The following CD276 variants were observed in gnomAD, a reference collection of about 807,000 sequenced individuals.
CD276 encodes CD276 antigen.
In CD276, 34 loss-of-function variants were observed where a neutral mutation model predicts 50.0. The observed-to-expected ratio is 0.68, with a 90% CI of 0.52 to 0.91. The LOEUF is 0.91. Ranked by LOEUF, CD276 falls within the 40% of genes least tolerant of loss-of-function variation. CD276 has a pLI of 0.00. For missense variants in CD276, 634 were observed against 717.5 expected, an observed-to-expected ratio of 0.88 and a Z score of 1.33; for synonymous variants, 275 against 313.0, an observed-to-expected ratio of 0.88 and a Z score of 1.28.
chr15:73,688,712 C>T (rs769847916), intron 1 of CD276, among the ~76,000 whole-genome samples: 6 of 152,274 alleles, frequency 3.9e-5, no homozygotes, highest in Middle Eastern at 3.4e-3. Flanking sequence ...TGGAGCTAGG[C>T]GCTGGACCAG....
rs747338278 is a variant in CD276 at position 73,702,453 on chromosome 15, C to T, written c.278C>T (p.Thr93Met). ...QDQGSAYANRTALFPDLLAQG... is the reference protein window; with the variant it reads ...QDQGSAYANRMALFPDLLAQG... Reference sequence around the variant, plus strand: ...CAGGGCAGCGCCTATGCCAACCGCACGGCCCTCTTCCCGGACCTGCTGGCA... The same window carrying T: ...CAGGGCAGCGCCTATGCCAACCGCATGGCCCTCTTCCCGGACCTGCTGGCA... The change falls in exon 3 of 10, where the codon ACG becomes ATG. Residue 93 changes from threonine (T) to methionine (M), a missense_variant. Coordinates refer to ENST00000318443, the MANE Select transcript of CD276 (RefSeq NM_001024736.2). 29 of 1,613,644 alleles carry T rather than the reference C, an allele frequency of 1.8e-5. No individual in the cohort carries two copies. The highest frequency in any genetic ancestry group is 8.9e-5 in the East Asian group (4 of 44,894).
At chr15:73,705,556 C>G (rs1900616991) in intron 6 of CD276, among the ~76,000 whole-genome samples, 1 of 152,114 alleles carries the variant, frequency 6.6e-6, no homozygotes. Flanking sequence ...GGAAAACACT[C>G]CCTTCCTGTG....
rs962668640 is a variant in CD276, at chr15:73,713,491, C to A, written c.*535C>A. ...TTCTTCTCAGACAGGGACAGTGCGG[C>A]CTCAACATCTCCTGGAGTCTAGAAG... On this transcript the variant is annotated 3_prime_UTR_variant, in exon 10 of 10. Transcript: ENST00000318443. The A allele has an allele frequency of 3.4e-6, 1 of 292,582 alleles. No individual in the cohort carries two copies. 18.1% of individuals were successfully genotyped at this position (292,582 alleles called of 1,614,324 possible). A position where few individuals can be genotyped will look rare whatever the true frequency, so the allele number is the denominator to read the frequency against.
At chr15:73,710,927 G>A (rs117041704) in intron 8 of CD276, among the ~76,000 whole-genome samples, 1,063 of 152,306 alleles carry the variant, frequency 7.0e-3, no homozygotes, top group Non-Finnish European at 0.011. Flanking sequence ...GGCCCAGAGA[G>A]GAGAATGACA....
At position 73,704,274 on chromosome 15, in the gene CD276, G is replaced by A; in HGVS notation, c.1171G>A (p.Glu391Lys). The stretch of plus-strand genomic sequence containing the variant: ...GTGCTCCAGCTACCGGGGCTACCCT[G>A]AGGCTGAGGTGTTCTGGCAGGATGG... ...ITCSSYRGYP[E>K]AEVFWQDGQG... The change falls in exon 6 of 10, where the codon GAG (glutamate) becomes AAG (lysine). Residue 391 changes from glutamate to lysine, a missense_variant. Glu to Lys is a moderately conservative substitution (Grantham distance 56). Coordinates refer to ENST00000318443, the MANE Select transcript of CD276 (RefSeq NM_001024736.2). This position sits in a 1 kb window ranked among gnomAD's most constrained non-coding sequence, Gnocchi z 4.1. 1.2e-6 allele frequency: 2 copies of A among 1,614,156 alleles called. No individual in the cohort carries two copies. The highest frequency in any genetic ancestry group is 1.1e-5 in the South Asian group (1 of 91,084).
At chr15:73,690,215 C>G (rs8041523) in intron 1 of CD276, among the ~76,000 whole-genome samples, 1 of 152,144 alleles carries the variant, frequency 6.6e-6, no homozygotes, top group East Asian at 1.9e-4. Flanking sequence ...CCATTATGTG[C>G]CAAGCCATTG....
intron 1 of CD276, among the ~76,000 whole-genome samples, chr15:73,688,187 G>C (rs998555289): frequency 3.3e-5 from 5 of 152,082 alleles, no homozygotes; most frequent in African/African-American, 1.2e-4. Flanking sequence ...CCAGATGTGT[G>C]GCCTGACAGA....
rs910232828 is a variant in CD276 at position 73,713,807 on chromosome 15, C to T, written c.*851C>T. On this transcript the variant is annotated 3_prime_UTR_variant, in exon 10 of 10. Coordinates refer to ENST00000318443, the MANE Select transcript of CD276 (RefSeq NM_001024736.2). ...CAGCTTCTGTCCCTCTGCCTTCTCA[C>T]CTCTTTGTTCCTTTCTTTTCATGTA... 4 of 441,644 alleles carry T rather than the reference C, an allele frequency of 9.1e-6. No homozygotes were observed. Among genetic ancestry groups the T allele is most frequent in the South Asian group, 6.4e-5 (4 of 62,110 alleles). 27.4% of individuals were successfully genotyped at this position (441,644 alleles called of 1,614,324 possible).
At position 73,713,989 on chromosome 15, in the gene CD276, C is replaced by T; in HGVS notation, c.*1033C>T. ...ACTGCACCCTGCGGTTTGCAGGGGG[C>T]TCCTGCCTGGCTCCCTGCTCCACAC... On this transcript the variant is annotated 3_prime_UTR_variant, in exon 10 of 10. Coordinates refer to ENST00000318443, the MANE Select transcript of CD276 (RefSeq NM_001024736.2). 1 of 310,538 alleles carries T rather than the reference C, an allele frequency of 3.2e-6. No homozygotes were observed. Among genetic ancestry groups the T allele is most frequent in the South Asian group, 2.6e-5 (1 of 38,668 alleles). The allele number at this position is 310,538 out of a possible 1,614,324, so 19.2% of individuals were successfully genotyped here. A position where few individuals can be genotyped will look rare whatever the true frequency, so the allele number is the denominator to read the frequency against.
chr15:73,712,580 G>C (rs1900948334), intron 9 of CD276, among the ~76,000 whole-genome samples: 1 of 152,232 alleles, frequency 6.6e-6, no homozygotes, highest in South Asian at 2.1e-4. Flanking sequence ...GAGGGAGTTG[G>C]GCCAGGCCTT....
intron 2 of CD276, 148 bp from the exon 3 acceptor site, chr15:73,702,107 G>C: frequency 1.6e-6 from 1 of 643,360 alleles, no homozygotes; most frequent in African/African-American, 1.8e-5. Flanking sequence ...TTGACTGAAT[G>C]AGGTCCTAAG....
chr15:73,695,359 A>G (rs1028966785), intron 1 of CD276, among the ~76,000 whole-genome samples: 4 of 152,126 alleles, frequency 2.6e-5, no homozygotes, highest in Non-Finnish European at 5.9e-5. Flanking sequence ...GAGTTCAGGA[A>G]AGGGTTACCT....
Position 73,709,661 on chromosome 15 carries a change from G to A in CD276, c.1518G>A (p.Gln506=). ...CEEENAGAED[Q]DGEGEGSKTA... ...TTGCCTTTGCAGGAGCTGAGGACCA[G>A]GATGGGGAGGGAGAAGGCTCCAAGA... Residue 506 remains glutamine, a synonymous_variant, in exon 8 of 10, where the codon CAG becomes CAA. Coordinates refer to ENST00000318443, the MANE Select transcript of CD276 (RefSeq NM_001024736.2). 1 of 1,613,134 alleles carries A rather than the reference G, an allele frequency of 6.2e-7. No individual in the cohort carries two copies. Among genetic ancestry groups the A allele is most frequent in the East Asian group, 2.2e-5 (1 of 44,862 alleles).
intron 6 of CD276, among the ~76,000 whole-genome samples, chr15:73,707,209 C>G (rs777104960): frequency 7.2e-5 from 11 of 152,238 alleles, no homozygotes; most frequent in Non-Finnish European, 1.3e-4. Flanking sequence ...GGGCCTCCTG[C>G]AGAAGCTGCT....
intron 6 of CD276, among the ~76,000 whole-genome samples, chr15:73,707,393 C>G (rs1371716077): frequency 2.0e-5 from 3 of 152,208 alleles, no homozygotes; most frequent in African/African-American, 7.2e-5. Flanking sequence ...CCTGGCCCTA[C>G]CCAGCTTTGG....
chr15:73,689,000 T>C (rs567886066), intron 1 of CD276, among the ~76,000 whole-genome samples: 8 of 152,288 alleles, frequency 5.3e-5, no homozygotes, highest in African/African-American at 1.9e-4. Context: ...TCAGCAGATA[T>C]TGAGTGAATG....
chr15:73,689,208 G>C (rs951989163), intron 1 of CD276, among the ~76,000 whole-genome samples: 1 of 151,746 alleles, frequency 6.6e-6, no homozygotes. Flanking sequence ...GTGTGTGTGT[G>C]TGTGTGTGTG....
In CD276 at chr15:73,708,477, A is replaced by AGT; in HGVS notation, c.1504+13_1504+14dup. The AGT allele has an allele frequency of 1.9e-6, 3 of 1,611,134 alleles. No homozygotes were observed. Among genetic ancestry groups the AGT allele is most frequent in the Non-Finnish European group, 2.5e-6 (3 of 1,178,378 alleles). ...AGCTGTGAGGAGGAGAATGCAGGTGAGTGTGTGTGTATGTGTGTGCGTGCG... is the reference window on the plus strand; with the variant it reads ...AGCTGTGAGGAGGAGAATGCAGGTGAGTGTGTGTGTGTATGTGTGTGCGTGCG... On this transcript the variant is annotated splice_donor_region_variant and intron_variant, in intron 7 of 9. Transcript: ENST00000318443.
intron 1 of CD276, among the ~76,000 whole-genome samples, chr15:73,685,409 A>G (rs1397784153): frequency 6.7e-6 from 1 of 150,352 alleles, no homozygotes; most frequent in Non-Finnish European, 1.5e-5. Flanking sequence ...TATGGGATCT[A>G]TCACTGAGGG....
Sources: gnomAD v4.1 joint callset for allele counts (sites outside exome capture counted in the v4.1 genomes callset) on GRCh38, gnomAD v4.1.1 for gene constraint, Gnocchi (gnomAD v3.1) non-coding constraint, MANE v1.5 for transcripts, NCBI Gene and HGNC (gene_info 2026-07-23, HGNC 2026-07-21) for gene names.